The following CDH4 variants were observed in gnomAD, a reference collection of about 807,000 sequenced individuals.
CDH4 encodes the protein cadherin-4.
A neutral mutation model predicts 86.0 loss-of-function variants in CDH4; 33 were observed. The ratio of observed to expected loss-of-function variants is 0.38; its 90% CI spans 0.29 to 0.51. The LOEUF (loss-of-function observed/expected upper bound fraction) is 0.51. CDH4 is among the 20% of genes least tolerant of loss of function. CDH4 has a pLI of 0.86. For synonymous variants in CDH4, 555 were observed against 549.4 expected (o/e 1.01, Z -0.14); for missense variants, 1,114 against 1,307.4 (o/e 0.85, Z 2.28).
chr20:61,565,063 TGG>T lies in CDH4; in HGVS notation c.170-178499_170-178498del, dbSNP rs1491290440. Among the ~76,000 whole-genome samples the T allele has an allele frequency of 2.8e-4, 18 of 64,414 alleles. 2 individuals are homozygous for T. The highest frequency in any genetic ancestry group is 1.4e-3 in the African/African-American group (10 of 6,928). 42.3% of individuals were successfully genotyped at this position (64,414 alleles called of 152,430 possible). A position where few individuals can be genotyped will look rare whatever the true frequency, so the allele number is the denominator to read the frequency against. On this transcript the variant is annotated intron_variant, in intron 2 of 15. Coordinates refer to ENST00000614565, the MANE Select transcript of CDH4 (RefSeq NM_001794.5). ...TCTTTGCTGCCACTGGTGGTGCTCT[TGG>T]TGGTGGTGGTGGTGGTGGTGGTGCT...
chr20:61,458,132 G>C (rs2085419702), intron 2 of CDH4, among the ~76,000 whole-genome samples: 1 of 151,216 alleles, frequency 6.6e-6, no homozygotes, highest in Non-Finnish European at 1.5e-5. Flanking sequence ...GGTGGTGGTG[G>C]TGGTGATGGT....
At chr20:61,581,010 C>T (rs2086423986) in intron 2 of CDH4, among the ~76,000 whole-genome samples, 1 of 152,230 alleles carries the variant, frequency 6.6e-6, no homozygotes, top group East Asian at 1.9e-4. Flanking sequence ...AGGGCTTCTC[C>T]CAAATTAATG....
chr20:61,847,704 A>G (rs1263731006), intron 5 of CDH4, among the ~76,000 whole-genome samples: 4 of 152,202 alleles, frequency 2.6e-5, no homozygotes, highest in Non-Finnish European at 5.9e-5. Flanking sequence ...TAGCGCCGGC[A>G]TCTCCTTCTG....
At chr20:61,565,120 T>TG (rs2086260325) in intron 2 of CDH4, among the ~76,000 whole-genome samples, 1 of 143,492 alleles carries the variant, frequency 7.0e-6, no homozygotes, top group Non-Finnish European at 1.5e-5. Context: ...GTGCTGGTGC[T>TG]CTTGGTGGTG....
chr20:61,355,808 A>T (rs924280080), intron 2 of CDH4, among the ~76,000 whole-genome samples: 11 of 152,192 alleles, frequency 7.2e-5, no homozygotes, highest in African/African-American at 2.7e-4. Context: ...ACACATGCGC[A>T]CTACAGTCAG....
chr20:61,257,387 G>A, intron 2 of CDH4, among the ~76,000 whole-genome samples: 1 of 152,246 alleles, frequency 6.6e-6, no homozygotes, highest in East Asian at 1.9e-4. Context: ...AAAATTTCAT[G>A]CTAATTAGGC....
intron 2 of CDH4, among the ~76,000 whole-genome samples, chr20:61,515,751 G>C (rs775938915): frequency 6.6e-6 from 1 of 152,156 alleles, no homozygotes; most frequent in South Asian, 2.1e-4. Flanking sequence ...AGGCTATGAT[G>C]CCCAGTTACA....
intron 2 of CDH4, among the ~76,000 whole-genome samples, chr20:61,456,139 G>C (rs2085405829): frequency 6.6e-6 from 1 of 152,136 alleles, no homozygotes; most frequent in South Asian, 2.1e-4. Context: ...GGATAGATAG[G>C]TAGGTGGGTG....
chr20:61,424,210 C>A (rs117131402), intron 2 of CDH4, among the ~76,000 whole-genome samples: 1 of 142,626 alleles, frequency 7.0e-6, no homozygotes, highest in African/African-American at 2.5e-5. Context: ...CGCATCCACA[C>A]ACAGCACACA....
chr20:61,499,147 G>A (rs767678986), intron 2 of CDH4, among the ~76,000 whole-genome samples: 2 of 152,236 alleles, frequency 1.3e-5, no homozygotes, highest in African/African-American at 2.4e-5. Context: ...TCCCTGCACT[G>A]TGGCTGTGGA....
In CDH4 at chr20:61,939,351, T is replaced by C. The variant is rs6061389; in HGVS notation, c.*2408T>C. On this transcript the variant is annotated 3_prime_UTR_variant, in exon 16 of 16. Transcript: ENST00000614565. ...CTGGGCGACATTGGCCGCCTCCCAC[T>C]AGCTCCCCCTCCTCGCCCACAGCCT... The C allele has an allele frequency of 0.79, 119,702 of 152,332 alleles. 47,284 individuals carry two copies. Among genetic ancestry groups the C allele is most frequent in the African/African-American group, 0.86 (35,753 of 41,540 alleles). The allele number at this position is 152,332 out of a possible 1,614,324, so 9.4% of individuals were successfully genotyped here.
At chr20:61,697,541 T>C (rs1390517849) in intron 2 of CDH4, among the ~76,000 whole-genome samples, 1 of 151,912 alleles carries the variant, frequency 6.6e-6, no homozygotes, top group Non-Finnish European at 1.5e-5. Flanking sequence ...GAGGTTGCAG[T>C]GAGCCGAGAT....
intron 2 of CDH4, among the ~76,000 whole-genome samples, chr20:61,457,911 A>G (rs2085417901): frequency 1.4e-5 from 2 of 146,838 alleles, no homozygotes; most frequent in South Asian, 4.4e-4. Context: ...GGTCATGGTC[A>G]TGACGGTGAT....
intron 2 of CDH4, among the ~76,000 whole-genome samples, chr20:61,506,360 G>T (rs1416104631): frequency 6.6e-6 from 1 of 152,194 alleles, no homozygotes; most frequent in Non-Finnish European, 1.5e-5. Flanking sequence ...AAACAGTTTG[G>T]TTGCATAATT....
At chr20:61,284,835 C>T (rs544781466) in intron 2 of CDH4, among the ~76,000 whole-genome samples, 21 of 152,316 alleles carry the variant, frequency 1.4e-4, no homozygotes, top group South Asian at 4.1e-4. Flanking sequence ...TTAGGCTTGG[C>T]GGGCCAGATG....
intron 1 of CDH4, among the ~76,000 whole-genome samples, chr20:61,254,295 C>A (rs569960871): frequency 6.6e-6 from 1 of 152,344 alleles, no homozygotes; most frequent in Non-Finnish European, 1.5e-5. Flanking sequence ...TCGACCGGCT[C>A]CGGACCTAGT....
At chr20:61,402,790 A>C (rs558255923) in intron 2 of CDH4, among the ~76,000 whole-genome samples, 86 of 152,348 alleles carry the variant, frequency 5.6e-4, no homozygotes, top group African/African-American at 2.0e-3. Context: ...ATAGCATCTT[A>C]TCTGAAACAG....
intron 2 of CDH4, among the ~76,000 whole-genome samples, chr20:61,677,945 G>C (rs1014491518): frequency 1.3e-5 from 2 of 152,126 alleles, no homozygotes; most frequent in African/African-American, 4.8e-5. Flanking sequence ...ATGTTTGGAG[G>C]AATGGATGAT....
chr20:61,499,604 C>G, intron 2 of CDH4: 1 of 1,034,028 alleles, frequency 9.7e-7, no homozygotes, highest in Non-Finnish European at 1.3e-6. Context: ...GAGGAGGGCT[C>G]CAAGCCAGAA....
Sources: gnomAD v4.1 joint callset for allele counts (sites outside exome capture counted in the v4.1 genomes callset) on GRCh38, gnomAD v4.1.1 for gene constraint, MANE v1.5 for transcripts, NCBI Gene and HGNC (gene_info 2026-07-23, HGNC 2026-07-21) for gene names.